ZDHHC21: variants seen among roughly 807,000 people sequenced by gnomAD.
The protein encoded by ZDHHC21 is palmitoyltransferase ZDHHC21.
In ZDHHC21, 15 loss-of-function variants were observed where a neutral mutation model predicts 34.6. The ratio of observed to expected loss-of-function variants is 0.43; its 90% confidence interval spans 0.29 to 0.67. ZDHHC21 has a LOEUF of 0.67. Among genes scored for constraint, ZDHHC21 ranks in the 30% least tolerant of loss-of-function variants. ZDHHC21 has a pLI of 0.14. For missense variants in ZDHHC21, 344 were observed against 327.7 expected, an observed-to-expected ratio of 1.05 and a Z score of -0.38; for synonymous variants, 142 against 101.8, an observed-to-expected ratio of 1.40 and a Z score of -2.38.
intron 6 of ZDHHC21, 97 bp downstream of exon 6, chr9:14,662,118 T>C: frequency 4.1e-6 from 3 of 725,804 alleles, no homozygotes; most frequent in South Asian, 5.2e-5. Context: ...TAAAACTATA[T>C]AACTTTAACA....
intron 4 of ZDHHC21, among the ~76,000 whole-genome samples, chr9:14,673,281 C>T (rs1397329932): frequency 6.6e-6 from 1 of 151,918 alleles, no homozygotes; most frequent in Admixed American, 6.6e-5. Flanking sequence ...GATCAAAATA[C>T]CATTTTAAAT....
At position 14,672,930 on chromosome 9, in the gene ZDHHC21, T is replaced by C; in HGVS notation, c.155-2A>G. On this transcript the variant is annotated splice_acceptor_variant, in intron 4 of 9. Transcript: ENST00000380916. LOFTEE classifies it high-confidence loss of function. Reference sequence around the variant, plus strand: ...AGAATATGGAAATGCCATAGAATACTTTAAAATAAATAAATTAAATAAATT... The same window carrying C: ...AGAATATGGAAATGCCATAGAATACCTTAAAATAAATAAATTAAATAAATT... The C allele has an allele frequency of 6.5e-7, 1 of 1,540,120 alleles. No homozygotes were observed. The highest frequency in any genetic ancestry group is 1.3e-5 in the South Asian group (1 of 78,648).
chr9:14,610,277 T>C (rs1449215714), downstream of ZDHHC21, among the ~76,000 whole-genome samples: 1 of 151,920 alleles, frequency 6.6e-6, no homozygotes, highest in Non-Finnish European at 1.5e-5. Flanking sequence ...TTATCATCAC[T>C]AAGAAAATAT....
At chr9:14,621,154 G>C (rs1825237524) in intron 8 of ZDHHC21, among the ~76,000 whole-genome samples, 1 of 151,938 alleles carries the variant, frequency 6.6e-6, no homozygotes, top group African/African-American at 2.4e-5. Flanking sequence ...AAAGTACGAA[G>C]AAAAAGATGA....
intron 5 of ZDHHC21, among the ~76,000 whole-genome samples, chr9:14,668,901 A>G (rs1310731057): frequency 1.6e-5 from 2 of 124,270 alleles, no homozygotes; most frequent in African/African-American, 5.9e-5. Flanking sequence ...TAAAAACCCT[A>G]GAAGAAAACC....
chr9:14,594,041 A>C, the ZDHHC21 span: 1 of 152,198 alleles, frequency 6.6e-6, no homozygotes, highest in Non-Finnish European at 1.5e-5. Context: ...GCAGCATCTA[A>C]GAAATGGATA....
At chr9:14,684,763 A>C (rs199684297) in intron 2 of ZDHHC21, among the ~76,000 whole-genome samples, 2 of 152,112 alleles carry the variant, frequency 1.3e-5, no homozygotes, top group Non-Finnish European at 2.9e-5. Context: ...TAAGCAAAAA[A>C]AACAAAGCTG....
At chr9:14,683,092 T>C (rs1837665786) in intron 2 of ZDHHC21, among the ~76,000 whole-genome samples, 1 of 152,072 alleles carries the variant, frequency 6.6e-6, no homozygotes, top group Non-Finnish European at 1.5e-5. Flanking sequence ...AGGGAAGATC[T>C]AAAATTGACA....
Position 14,617,540 on chromosome 9 carries a change from G to A in ZDHHC21, c.*1426C>T, listed in dbSNP as rs1824445161. On this transcript the variant is annotated 3_prime_UTR_variant, in exon 10 of 10. Coordinates refer to ENST00000380916, the MANE Select transcript of ZDHHC21 (RefSeq NM_178566.6). Reference sequence around the variant, plus strand: ...TAGCTAAAAGGAAAATGTTAGCATGGTTTATGAACAGTAGACTTTTTCAAT... The same window carrying A: ...TAGCTAAAAGGAAAATGTTAGCATGATTTATGAACAGTAGACTTTTTCAAT... The A allele has an allele frequency of 6.6e-6, 1 of 151,880 alleles. No homozygotes were observed. The highest frequency in any genetic ancestry group is 2.4e-5 in the African/African-American group (1 of 41,396). 9.4% of individuals were successfully genotyped at this position (151,880 alleles called of 1,614,324 possible).
chr9:14,597,719 A>G, the ZDHHC21 span, among the ~76,000 whole-genome samples: 1 of 152,040 alleles, frequency 6.6e-6, no homozygotes. Context: ...GGAGCCTGAG[A>G]ACTGATCTGC....
At chr9:14,633,599 C>A (rs901698868) in intron 8 of ZDHHC21, among the ~76,000 whole-genome samples, 1 of 152,178 alleles carries the variant, frequency 6.6e-6, no homozygotes, top group Admixed American at 6.5e-5. Context: ...GCCCCTGCAT[C>A]TCCACATTTC....
At chr9:14,645,357 G>T (rs539366882) in intron 7 of ZDHHC21, among the ~76,000 whole-genome samples, 110 of 152,048 alleles carry the variant, frequency 7.2e-4, no homozygotes, top group African/African-American at 2.6e-3. Flanking sequence ...GGAGGGGAAA[G>T]AATTATCTTT....
intron 9 of ZDHHC21, among the ~76,000 whole-genome samples, chr9:14,619,365 G>A: frequency 6.6e-6 from 1 of 152,112 alleles, no homozygotes; most frequent in East Asian, 1.9e-4. Flanking sequence ...CAACAACACA[G>A]TAGCAAATCT....
Position 14,662,202 on chromosome 9 carries a change from G to C in ZDHHC21, c.365+13C>G, listed in dbSNP as rs1352792443. ...CACCCCTCTTTTCTTTGCTAGAAGTGAATTATTCTTACCATGGACAGTGAT... is the reference window on the plus strand; with the variant it reads ...CACCCCTCTTTTCTTTGCTAGAAGTCAATTATTCTTACCATGGACAGTGAT... On this transcript the variant is annotated intron_variant, in intron 6 of 9. Transcript: ENST00000380916. 6.4e-6 allele frequency: 10 copies of C among 1,560,684 alleles called. No individual in the cohort carries two copies. Among genetic ancestry groups the C allele is most frequent in the Non-Finnish European group, 8.7e-6 (10 of 1,149,386 alleles).
In ZDHHC21 at chr9:14,616,339, T is replaced by G. The variant is rs1249910863; in HGVS notation, c.*2627A>C. 1 of 151,806 alleles carries G rather than the reference T, an allele frequency of 6.6e-6. No individual in the cohort carries two copies. 9.4% of individuals were successfully genotyped at this position (151,806 alleles called of 1,614,324 possible). The stretch of plus-strand genomic sequence containing the variant: ...TAATCTGATATAAATTTGTGATTGA[T>G]TGACAGCAAGAATATAATGGGAACG... On this transcript the variant is annotated 3_prime_UTR_variant, in exon 10 of 10. Coordinates refer to ENST00000380916, the MANE Select transcript of ZDHHC21 (RefSeq NM_178566.6).
intron 5 of ZDHHC21, among the ~76,000 whole-genome samples, chr9:14,664,309 G>A (rs1357523824): frequency 2.0e-5 from 3 of 152,072 alleles, no homozygotes; most frequent in Non-Finnish European, 2.9e-5. Flanking sequence ...ACCGGCTTAA[G>A]AAACGGCGCA....
the ZDHHC21 span, among the ~76,000 whole-genome samples, chr9:14,604,670 A>G: frequency 6.6e-6 from 1 of 152,196 alleles, no homozygotes; most frequent in South Asian, 2.1e-4. Flanking sequence ...CTCTCCAGTT[A>G]TTATTTTTCA....
intron 3 of ZDHHC21, among the ~76,000 whole-genome samples, chr9:14,679,051 C>T (rs1836912328): frequency 6.6e-6 from 1 of 152,006 alleles, no homozygotes; most frequent in African/African-American, 2.4e-5. Context: ...AAGCATGTTT[C>T]TATTGATAAT....
Position 14,613,381 on chromosome 9 carries a change from T to C in ZDHHC21, c.*5585A>G, listed in dbSNP as rs1823647871. ...GGATGTTTTATAGTTGTTGAGGTTA[T>C]AAAACACGAACTTCAGGCACCAGTA... On this transcript the variant is annotated 3_prime_UTR_variant, in exon 10 of 10. Transcript: ENST00000380916. 2 of 151,872 alleles carry C rather than the reference T, an allele frequency of 1.3e-5. No individual in the cohort carries two copies. The highest frequency in any genetic ancestry group is 2.1e-4 in the South Asian group (1 of 4,832). 9.4% of individuals were successfully genotyped at this position (151,872 alleles called of 1,614,324 possible). A position where few individuals can be genotyped will look rare whatever the true frequency, so the allele number is the denominator to read the frequency against.
Sources: gnomAD v4.1 joint callset for allele counts (sites outside exome capture counted in the v4.1 genomes callset) on GRCh38, gnomAD v4.1.1 for gene constraint, MANE v1.5 for transcripts, NCBI Gene and HGNC (gene_info 2026-07-23, HGNC 2026-07-21) for gene names.